The following SYNE2 variants were observed in gnomAD, a reference collection of about 807,000 sequenced individuals.
SYNE2 encodes nesprin-2.
A neutral mutation model predicts 856.3 loss-of-function variants in SYNE2; 431 were observed. The ratio of observed to expected loss-of-function variants is 0.50; its 90% confidence interval spans 0.47 to 0.55. The LOEUF is 0.55. SYNE2 is among the 20% of genes least tolerant of loss of function. SYNE2 has a pLI of 0.00. For missense variants in SYNE2, 8,129 were observed against 8,023.2 expected, an observed-to-expected ratio of 1.01 and a Z score of -0.50; for synonymous variants, 2,923 against 2,872.3, an observed-to-expected ratio of 1.02 and a Z score of -0.56.
In SYNE2 at chr14:63,853,094, C is replaced by T. The variant is rs1044314918; in HGVS notation, c.-101C>T. ...CCAGAGAGCCAGGCAAGCGGGGCGC[C>T]GACCTCGGGCGGCCCCGGCCCGCGC... On this transcript the variant is annotated 5_prime_UTR_variant, in exon 1 of 116. Coordinates refer to ENST00000555002, the MANE Select transcript of SYNE2 (RefSeq NM_182914.3). 2.6e-5 allele frequency: 4 copies of T among 151,672 alleles called. No individual in the cohort carries two copies. The highest frequency in any genetic ancestry group is 9.7e-5 in the African/African-American group (4 of 41,356). The allele number at this position is 151,672 out of a possible 1,614,324, so 9.4% of individuals were successfully genotyped here.
intron 1 of SYNE2, among the ~76,000 whole-genome samples, chr14:63,801,709 G>A (rs930672371): frequency 6.6e-6 from 1 of 151,712 alleles, no homozygotes; most frequent in Non-Finnish European, 1.5e-5. Context: ...TAAAACCCTA[G>A]AAATAGAAGA....
intron 1 of SYNE2, among the ~76,000 whole-genome samples, chr14:63,807,306 C>T (rs1490586946): frequency 7.0e-6 from 1 of 143,442 alleles, no homozygotes; most frequent in Non-Finnish European, 1.5e-5. Context: ...TGTGCCACTA[C>T]ATTTCAGCCT....
At chr14:63,864,496 C>A (rs758850848) in intron 1 of SYNE2, 1 of 152,158 alleles carries the variant, frequency 6.6e-6, no homozygotes, top group African/African-American at 2.4e-5. Context: ...GGTGAGTCAT[C>A]ATGTTGTCTT....
intron 2 of SYNE2, 39 bp downstream of exon 2, chr14:63,909,266 G>C (rs764038098): frequency 6.9e-7 from 1 of 1,447,944 alleles, no homozygotes; most frequent in Non-Finnish European, 9.7e-7. Context: ...CACAGAAACT[G>C]GGGAAACCTT....
At chr14:63,892,297 CTTGAAACCATT>C (rs1316768059) in intron 1 of SYNE2, among the ~76,000 whole-genome samples, 4 of 152,052 alleles carry the variant, frequency 2.6e-5, no homozygotes, top group Non-Finnish European at 5.9e-5. Context: ...GCCAGCTGTA[CTTGAAACCATT>C]TTGACCACAG....
At chr14:64,197,898 T>C (rs748966158) in intron 99 of SYNE2, among the ~76,000 whole-genome samples, 105 of 152,364 alleles carry the variant, frequency 6.9e-4, no homozygotes, top group Non-Finnish European at 1.0e-3. Flanking sequence ...GATTGTTTTC[T>C]GCATTTTTAC....
At chr14:63,918,574 A>G (rs1440135238) in intron 2 of SYNE2, among the ~76,000 whole-genome samples, 1 of 152,208 alleles carries the variant, frequency 6.6e-6, no homozygotes, top group African/African-American at 2.4e-5. Flanking sequence ...TGCCGGATGA[A>G]TAATTTACTG....
At chr14:63,824,108 G>A (rs375914590) in intron 1 of SYNE2, among the ~76,000 whole-genome samples, 3 of 152,290 alleles carry the variant, frequency 2.0e-5, no homozygotes, top group African/African-American at 7.2e-5. Context: ...TGAGGCCAAG[G>A]CAGGCAGATC....
Position 64,024,339 on chromosome 14 carries a change from A to T in SYNE2, c.5720A>T (p.Lys1907Ile). ...AAGCATGTGAAGAAGCATCTGCCCA[A>T]AGCACATGTGAAGGAGCTTATCAGT... ...VLKHVKKHLPKAHVKELISWL... is the reference protein window; with the variant it reads ...VLKHVKKHLPIAHVKELISWL... Residue 1907 changes from lysine (K) to isoleucine (I), a missense_variant, in exon 39 of 116, where the codon AAA becomes ATA. Physicochemically the swap from Lys to Ile is moderately radical, Grantham distance 102. Coordinates refer to ENST00000555002, the MANE Select transcript of SYNE2 (RefSeq NM_182914.3). 6.2e-7 allele frequency: 1 copy of T among 1,614,186 alleles called. No individual in the cohort carries two copies. Among genetic ancestry groups the T allele is most frequent in the Non-Finnish European group, 8.5e-7 (1 of 1,180,012 alleles).
In SYNE2 at chr14:64,053,580, G is replaced by A. The variant is rs769185278; in HGVS notation, c.9667G>A (p.Ala3223Thr). The A allele has an allele frequency of 5.6e-6, 9 of 1,614,166 alleles. No individual in the cohort carries two copies. The highest frequency in any genetic ancestry group is 1.7e-5 in the Admixed American group (1 of 60,022). The change falls in exon 48 of 116, where the codon GCG (alanine) becomes ACG (threonine). Residue 3223 changes from alanine (A) to threonine (T), a missense_variant. Transcript: ENST00000555002. Reference sequence around the variant, plus strand: ...ACAAAGAGAAGAAAACTCTTCTGAAGCGAGTGATGTGGAGACAAAACTACG... The same window carrying A: ...ACAAAGAGAAGAAAACTCTTCTGAAACGAGTGATGTGGAGACAAAACTACG... ...EKQREENSSE[A>T]SDVETKLREF... is the part of the protein sequence containing the mutation.
At chr14:63,955,078 C>A (rs1282564286) in intron 8 of SYNE2, among the ~76,000 whole-genome samples, 163 bp downstream of exon 8, 4 of 152,138 alleles carry the variant, frequency 2.6e-5, no homozygotes, top group African/African-American at 9.7e-5. Flanking sequence ...CAATTCCTAC[C>A]AATTTGTTAA....
chr14:64,212,536 C>A (rs1468908360), intron 104 of SYNE2, among the ~76,000 whole-genome samples: 1 of 152,202 alleles, frequency 6.6e-6, no homozygotes, highest in African/African-American at 2.4e-5. Flanking sequence ...CAAGTTCTTT[C>A]TCTCACACCT....
chr14:63,940,630 C>G lies in SYNE2; in HGVS notation c.96C>G (p.Thr32=). 2 of 1,613,982 alleles carry G rather than the reference C, an allele frequency of 1.2e-6. No homozygotes were observed. Among genetic ancestry groups the G allele is most frequent in the Non-Finnish European group, 1.7e-6 (2 of 1,179,988 alleles). The change falls in exon 3 of 116, where the codon ACC becomes ACG. Residue 32 remains threonine (T), a synonymous_variant. Transcript: ENST00000555002. ...CTTTGATAGCTGAACAGGAAGACACCCAGAAGAAAGCCTTCACGTGCTGGA... is the reference window on the plus strand; with the variant it reads ...CTTTGATAGCTGAACAGGAAGACACGCAGAAGAAAGCCTTCACGTGCTGGA... The part of the protein sequence containing the change: ...HISLQAEQED[T]QKKAFTCWIN...
At chr14:64,014,732 A>AT (rs1168636247) in intron 32 of SYNE2, among the ~76,000 whole-genome samples, 1 of 151,662 alleles carries the variant, frequency 6.6e-6, no homozygotes, top group Admixed American at 6.6e-5. Flanking sequence ...CTGCATGTTT[A>AT]TTTTTTAAGG....
chr14:63,814,162 C>T (rs897705768), intron 1 of SYNE2, among the ~76,000 whole-genome samples: 36 of 151,554 alleles, frequency 2.4e-4, no homozygotes, highest in African/African-American at 6.5e-4. Context: ...CCCAGCTACT[C>T]GGGAGGCTGA....
rs773213811 is a variant in SYNE2, at chr14:64,188,649, A to G, written c.17812A>G (p.Asn5938Asp). The G allele has an allele frequency of 1.5e-5, 24 of 1,614,110 alleles. No homozygotes were observed. In the East Asian group the frequency reaches 5.3e-4, roughly 36 times the overall value. ...ELCAWLVQME[N>D]KVLQTADISI... is the part of the protein sequence containing the mutation. ...GTGTGCCTGGCTGGTGCAGATGGAA[A>G]ACAAAGTTCTACAGACAGCGGACAT... The change falls in exon 98 of 116, where the codon AAC becomes GAC. Residue 5938 changes from asparagine to aspartate, a missense_variant. Asn to Asp is a conservative substitution (Grantham distance 23). This residue lies in a region of SYNE2 where 5,410 missense variants were observed against 5,284.8 expected (regional missense o/e 1.02). Coordinates refer to ENST00000555002, the MANE Select transcript of SYNE2 (RefSeq NM_182914.3).
chr14:64,010,141 A>G (rs1321841472), intron 32 of SYNE2, 25 bp downstream of exon 32: 1 of 1,600,972 alleles, frequency 6.2e-7, no homozygotes, highest in African/African-American at 1.3e-5. Flanking sequence ...CATTAGAAAA[A>G]ACTGCCCAGT....
chr14:64,204,849 A>G (rs2098597556), intron 100 of SYNE2, among the ~76,000 whole-genome samples: 1 of 152,196 alleles, frequency 6.6e-6, no homozygotes, highest in Admixed American at 6.5e-5. Context: ...TCTGAAATGG[A>G]TCTCACTGGG....
intron 84 of SYNE2, among the ~76,000 whole-genome samples, chr14:64,149,355 T>C (rs79968962): frequency 0.038 from 5,744 of 152,194 alleles, 331 homozygotes; most frequent in African/African-American, 0.13. Flanking sequence ...GATTGATGTA[T>C]ACTTTAATGA....
Sources: allele counts gnomAD v4.1 joint callset (sites outside exome capture counted in the v4.1 genomes callset), GRCh38; gene constraint gnomAD v4.1.1; regional missense constraint gnomAD v4.1.1; transcripts MANE v1.5; gene names NCBI Gene and HGNC (gene_info 2026-07-23, HGNC 2026-07-21).